Variants in USP49 observed in about 807,000 individuals in gnomAD.
USP49 encodes the protein ubiquitin carboxyl-terminal hydrolase 49.
USP49 carries 24 observed loss-of-function variants against 58.6 expected under a neutral mutation model. The ratio of observed to expected loss-of-function variants is 0.41; its 90% CI spans 0.30 to 0.58. USP49 has a LOEUF of 0.58. Ranked by LOEUF, USP49 falls within the 20% of genes least tolerant of loss-of-function variation. USP49 has a pLI of 0.30. For missense variants in USP49, 703 were observed against 866.1 expected, an observed-to-expected ratio of 0.81 and a Z score of 2.36; for synonymous variants, 408 against 365.1, an observed-to-expected ratio of 1.12 and a Z score of -1.34.
Position 41,793,961 on chromosome 6 carries a change from T to G in USP49, c.*2572A>C, listed in dbSNP as rs540816514. On this transcript the variant is annotated 3_prime_UTR_variant, in exon 8 of 8. Coordinates refer to ENST00000682992, the MANE Select transcript of USP49 (RefSeq NM_001286554.2). ...TGGCAGCATCTAGTCAGTTTTTACC[T>G]GGTTCTTATTTTCTTCTCTTTAGAA... 6.6e-6 allele frequency: 1 copy of G among 152,354 alleles called. No homozygotes were observed. The highest frequency in any genetic ancestry group is 1.5e-5 in the Non-Finnish European group (1 of 68,038). 9.4% of individuals were successfully genotyped at this position (152,354 alleles called of 1,614,324 possible). A position where few individuals can be genotyped will look rare whatever the true frequency, so the allele number is the denominator to read the frequency against.
chr6:41,802,276 C>G (rs895090028), intron 5 of USP49, among the ~76,000 whole-genome samples: 1 of 151,882 alleles, frequency 6.6e-6, no homozygotes, highest in Non-Finnish European at 1.5e-5. Context: ...CCTGCCTTGG[C>G]CTCCCAAAGT....
chr6:41,823,964 T>A (rs1469654130), intron 3 of USP49, among the ~76,000 whole-genome samples: 1 of 152,134 alleles, frequency 6.6e-6, no homozygotes, highest in Non-Finnish European at 1.5e-5. Context: ...ACTATAAGCC[T>A]CAGTTTCTTA....
chr6:41,795,531 A>G lies in USP49; in HGVS notation c.*1002T>C, dbSNP rs1772871600. The G allele has an allele frequency of 6.6e-6, 1 of 152,226 alleles. No homozygotes were observed. Among genetic ancestry groups the G allele is most frequent in the Admixed American group, 6.5e-5 (1 of 15,286 alleles). 9.4% of individuals were successfully genotyped at this position (152,226 alleles called of 1,614,324 possible). A position where few individuals can be genotyped will look rare whatever the true frequency, so the allele number is the denominator to read the frequency against. On this transcript the variant is annotated 3_prime_UTR_variant, in exon 8 of 8. Coordinates refer to ENST00000682992, the MANE Select transcript of USP49 (RefSeq NM_001286554.2). The stretch of plus-strand genomic sequence containing the variant: ...TACCCTAGAGAACCAAAAGCTCCCA[A>G]ACCCTGTGAACATGAATGTTCTAGC...
At chr6:41,807,534 G>A (rs920171128) in intron 3 of USP49, among the ~76,000 whole-genome samples, 4 of 151,898 alleles carry the variant, frequency 2.6e-5, no homozygotes, top group African/African-American at 9.7e-5. Context: ...TCCACCTCCC[G>A]GGCTCAAGCG....
At chr6:41,860,851 C>T (rs552568115) in intron 3 of USP49, among the ~76,000 whole-genome samples, 3 of 151,702 alleles carry the variant, frequency 2.0e-5, no homozygotes, top group African/African-American at 7.2e-5. Flanking sequence ...AGGCCAGGCA[C>T]GGTGGCTGGT....
chr6:41,806,360 A>G lies in USP49; in HGVS notation c.624T>C (p.Ser208=), dbSNP rs764355614. 1 of 1,530,072 alleles carries G rather than the reference A, an allele frequency of 6.5e-7. No homozygotes were observed. The highest frequency in any genetic ancestry group is 8.7e-7 in the Non-Finnish European group (1 of 1,149,650). 94.8% of individuals were successfully genotyped at this position (1,530,072 alleles called of 1,614,324 possible). The change falls in exon 4 of 8, where the codon AGT becomes AGC. Residue 208 remains serine, a synonymous_variant. Transcript: ENST00000682992. The surrounding 1 kb of genome is among the most constrained non-coding windows in gnomAD (Gnocchi z 5.9). ...EELASTPPRK[S]ARLLLHTPRD... ...GGGGCGTGTGCAGGAGCAGCCGTGCACTCTTGCGCGGAGGGGTGCTGGCCA... is the reference window on the plus strand; with the variant it reads ...GGGGCGTGTGCAGGAGCAGCCGTGCGCTCTTGCGCGGAGGGGTGCTGGCCA...
At chr6:41,822,403 G>T (rs1365908942) in intron 3 of USP49, among the ~76,000 whole-genome samples, 1 of 152,166 alleles carries the variant, frequency 6.6e-6, no homozygotes, top group Non-Finnish European at 1.5e-5. Flanking sequence ...GCTGGTGTCG[G>T]TTATTTTGGT....
At chr6:41,864,622 C>T (rs563851225) in intron 3 of USP49, among the ~76,000 whole-genome samples, 1 of 152,000 alleles carries the variant, frequency 6.6e-6, no homozygotes, top group Non-Finnish European at 1.5e-5. Flanking sequence ...GCCAAAATGC[C>T]ACCCAATTAA....
At chr6:41,878,067 G>A (rs1774533826) in intron 2 of USP49, among the ~76,000 whole-genome samples, 1 of 152,148 alleles carries the variant, frequency 6.6e-6, no homozygotes, top group Non-Finnish European at 1.5e-5. Flanking sequence ...TGTAACATCA[G>A]CTCTACTTTC....
chr6:41,862,860 A>G (rs1303470074), intron 3 of USP49, among the ~76,000 whole-genome samples: 1 of 148,914 alleles, frequency 6.7e-6, no homozygotes, highest in Non-Finnish European at 1.5e-5. Context: ...TGCAACCTCC[A>G]CCTCCCAGGT....
chr6:41,835,758 T>C (rs1582011469), intron 3 of USP49, among the ~76,000 whole-genome samples: 1 of 135,802 alleles, frequency 7.4e-6, no homozygotes, highest in South Asian at 2.4e-4. Flanking sequence ...TAACAAAAGG[T>C]AGGTAAAGTA....
chr6:41,869,888 T>C (rs1774384730), intron 3 of USP49, among the ~76,000 whole-genome samples: 1 of 152,176 alleles, frequency 6.6e-6, no homozygotes, highest in Non-Finnish European at 1.5e-5. Flanking sequence ...TAGTTGTTTA[T>C]TCATATATAA....
At chr6:41,847,443 G>A (rs950786532) in intron 3 of USP49, among the ~76,000 whole-genome samples, 1 of 152,270 alleles carries the variant, frequency 6.6e-6, no homozygotes, top group South Asian at 2.1e-4. Context: ...TCAGCCGGGT[G>A]CAGTGGCTCA....
chr6:41,806,283 C>G lies in USP49; in HGVS notation c.701G>C (p.Arg234Thr), dbSNP rs775393745. The G allele has an allele frequency of 1.2e-6, 2 of 1,601,964 alleles. No individual in the cohort carries two copies. The highest frequency in any genetic ancestry group is 4.5e-5 in the East Asian group (2 of 44,824). Residue 234 changes from arginine to threonine, a missense_variant, in exon 4 of 8, where the codon AGA becomes ACA. Coordinates refer to ENST00000682992, the MANE Select transcript of USP49 (RefSeq NM_001286554.2). The surrounding 1 kb of genome is among the most constrained non-coding windows in gnomAD (Gnocchi z 5.9). ...SRPAALPTSR[R>T]VPAATLKLRR... is the part of the protein sequence containing the mutation. ...CAGCTTGAGTGTGGCGGCGGGCACTCTGCGTGAGGTAGGGAGGGCGGCGGG... is the reference window on the plus strand; with the variant it reads ...CAGCTTGAGTGTGGCGGCGGGCACTGTGCGTGAGGTAGGGAGGGCGGCGGG...
chr6:41,812,171 CCGAGTTCAAG>C (rs1320640565), intron 3 of USP49, among the ~76,000 whole-genome samples: 1 of 151,878 alleles, frequency 6.6e-6, no homozygotes, highest in Non-Finnish European at 1.5e-5. Context: ...TCTCCGCCTC[CCGAGTTCAAG>C]CGATTCTCCT....
At chr6:41,863,469 A>G (rs1405009295) in intron 3 of USP49, among the ~76,000 whole-genome samples, 1 of 152,184 alleles carries the variant, frequency 6.6e-6, no homozygotes, top group Non-Finnish European at 1.5e-5. Flanking sequence ...ATCTTTCTGG[A>G]TCTACTACAG....
At chr6:41,875,956 T>A (rs2127361082) in intron 2 of USP49, among the ~76,000 whole-genome samples, 1 of 152,240 alleles carries the variant, frequency 6.6e-6, no homozygotes, top group East Asian at 1.9e-4. Flanking sequence ...GGTCTCGAAC[T>A]CCTGACCTTG....
At chr6:41,886,907 T>C (rs1158462663) in intron 2 of USP49, among the ~76,000 whole-genome samples, 1 of 152,148 alleles carries the variant, frequency 6.6e-6, no homozygotes, top group Admixed American at 6.5e-5. Context: ...TCAAAAAAAG[T>C]TGATAAATCA....
chr6:41,833,165 C>T (rs986314749), intron 3 of USP49, among the ~76,000 whole-genome samples: 1 of 151,718 alleles, frequency 6.6e-6, no homozygotes, highest in Non-Finnish European at 1.5e-5. Context: ...TACAGGTGCC[C>T]GCCACCATGC....
Sources: allele counts gnomAD v4.1 joint callset (sites outside exome capture counted in the v4.1 genomes callset), GRCh38; gene constraint gnomAD v4.1.1; non-coding constraint Gnocchi (gnomAD v3.1); transcripts MANE v1.5; gene names NCBI Gene and HGNC (gene_info 2026-07-23, HGNC 2026-07-21).